AGBL1: variants seen among roughly 807,000 people sequenced by gnomAD.
AGBL1 encodes AGBL carboxypeptidase 1.
AGBL1 carries 130 observed loss-of-function variants against 118.9 expected under a neutral mutation model. That is an observed-to-expected ratio of 1.09 (90% CI 0.95 to 1.26). The LOEUF (loss-of-function observed/expected upper bound fraction) is 1.26, where lower values mean the gene tolerates loss of function less well. AGBL1 is among the 50% of genes most tolerant of loss of function. AGBL1 has a pLI of 0.00. For missense variants in AGBL1, 1,584 were observed against 1,298.1 expected, an observed-to-expected ratio of 1.22 and a Z score of -3.38; for synonymous variants, 555 against 478.9, an observed-to-expected ratio of 1.16 and a Z score of -2.08.
chr15:86,672,174 G>C (rs1318817453), intron 21 of AGBL1, among the ~76,000 whole-genome samples: 1 of 152,164 alleles, frequency 6.6e-6, no homozygotes, highest in African/African-American at 2.4e-5. Flanking sequence ...GGGCAAAATG[G>C]AATATAAGGG....
chr15:86,548,106 A>G (rs1273850097), intron 20 of AGBL1, among the ~76,000 whole-genome samples: 1 of 152,162 alleles, frequency 6.6e-6, no homozygotes, highest in Non-Finnish European at 1.5e-5. Flanking sequence ...CTCATTTTAC[A>G]GATGGGAAAA....
intron 22 of AGBL1, among the ~76,000 whole-genome samples, chr15:86,769,129 A>G (rs1315725683): frequency 6.7e-6 from 1 of 148,654 alleles, no homozygotes; most frequent in Non-Finnish European, 1.5e-5. Flanking sequence ...ACATTACAGG[A>G]GAGGAACCCA....
intron 18 of AGBL1, among the ~76,000 whole-genome samples, chr15:86,412,724 C>T (rs552442325): frequency 1.3e-5 from 2 of 152,280 alleles, no homozygotes; most frequent in African/African-American, 2.4e-5. Context: ...AGGGCAAATA[C>T]AAAATTTAGA....
At chr15:86,824,585 T>C in intron 22 of AGBL1, among the ~76,000 whole-genome samples, 1 of 152,096 alleles carries the variant, frequency 6.6e-6, no homozygotes, top group South Asian at 2.1e-4. Flanking sequence ...ACACAGCTTA[T>C]TCTAAAATTT....
intron 22 of AGBL1, among the ~76,000 whole-genome samples, chr15:86,822,374 C>T (rs1298379695): frequency 1.3e-5 from 2 of 152,100 alleles, no homozygotes; most frequent in African/African-American, 4.8e-5. Flanking sequence ...AGTATAGCAC[C>T]AGCATTTGCC....
At chr15:86,182,509 A>G (rs1389546260) in intron 5 of AGBL1, among the ~76,000 whole-genome samples, 1 of 152,124 alleles carries the variant, frequency 6.6e-6, no homozygotes, top group Admixed American at 6.5e-5. Context: ...GTCTAGTGTT[A>G]TAGACCCAAA....
chr15:86,259,822 G>A (rs773308485), intron 9 of AGBL1, among the ~76,000 whole-genome samples: 2 of 152,202 alleles, frequency 1.3e-5, no homozygotes, highest in Non-Finnish European at 2.9e-5. Context: ...ATAACTGAAT[G>A]TCTGATGCAG....
intron 17 of AGBL1, among the ~76,000 whole-genome samples, chr15:86,375,935 C>T (rs538645644): frequency 8.5e-5 from 13 of 152,286 alleles, no homozygotes; most frequent in Middle Eastern, 3.4e-3. Context: ...TCCTATTTGA[C>T]GCATTCACAT....
chr15:86,973,431 A>G (rs1269472377), intron 23 of AGBL1, among the ~76,000 whole-genome samples: 1 of 151,938 alleles, frequency 6.6e-6, no homozygotes, highest in African/African-American at 2.4e-5. Flanking sequence ...ATTTCAATTG[A>G]CTTCCTGTCA....
intron 22 of AGBL1, among the ~76,000 whole-genome samples, chr15:86,731,162 G>A (rs996875713): frequency 6.6e-6 from 1 of 152,088 alleles, no homozygotes; most frequent in African/African-American, 2.4e-5. Context: ...GTCAAAAAGA[G>A]AAAAGACATG....
chr15:86,535,092 G>C (rs766046210), intron 19 of AGBL1, among the ~76,000 whole-genome samples: 3 of 152,166 alleles, frequency 2.0e-5, no homozygotes, highest in Non-Finnish European at 4.4e-5. Flanking sequence ...AGGAGACAAA[G>C]GGGGCTCCCT....
chr15:86,836,932 T>C (rs1472405304), intron 22 of AGBL1, among the ~76,000 whole-genome samples: 1 of 152,186 alleles, frequency 6.6e-6, no homozygotes, highest in East Asian at 1.9e-4. Flanking sequence ...ATCTTGCTTA[T>C]ATATTTATCT....
chr15:86,668,492 G>A (rs959923681), intron 21 of AGBL1, among the ~76,000 whole-genome samples: 3 of 151,968 alleles, frequency 2.0e-5, no homozygotes, highest in Admixed American at 6.6e-5. Flanking sequence ...CCTATTTCTG[G>A]CAGTAAATCT....
chr15:86,908,005 C>A lies in AGBL1; in HGVS notation c.*711C>A, dbSNP rs186769387. 1.3e-5 allele frequency: 2 copies of A among 152,232 alleles called. No homozygotes were observed. The highest frequency in any genetic ancestry group is 2.9e-5 in the Non-Finnish European group (2 of 68,030). 9.4% of individuals were successfully genotyped at this position (152,232 alleles called of 1,614,324 possible). A position where few individuals can be genotyped will look rare whatever the true frequency, so the allele number is the denominator to read the frequency against. On this transcript the variant is annotated 3_prime_UTR_variant, in exon 23 of 23. Transcript: ENST00000614907. The stretch of plus-strand genomic sequence containing the variant: ...CACCAAACATAATGCTAGGAAGTAC[C>A]AGACCTACTGGAAAATTTATTCATT...
chr15:86,351,833 T>C (rs1296572524), intron 17 of AGBL1, among the ~76,000 whole-genome samples: 1 of 152,234 alleles, frequency 6.6e-6, no homozygotes, highest in African/African-American at 2.4e-5. Flanking sequence ...TCTGTATAAA[T>C]ATGACATTAG....
At chr15:86,823,736 C>T (rs1449996925) in intron 22 of AGBL1, among the ~76,000 whole-genome samples, 1 of 151,996 alleles carries the variant, frequency 6.6e-6, no homozygotes, top group African/African-American at 2.4e-5. Context: ...GGAGAAATCA[C>T]CTGAGAATCT....
chr15:86,845,676 A>G (rs2079307892), intron 22 of AGBL1, among the ~76,000 whole-genome samples: 1 of 152,222 alleles, frequency 6.6e-6, no homozygotes, highest in African/African-American at 2.4e-5. Flanking sequence ...CTTTTTTGAT[A>G]GAGCACCAGT....
At chr15:86,097,355 C>T (rs898392495) in intron 1 of AGBL1, among the ~76,000 whole-genome samples, 14 of 152,170 alleles carry the variant, frequency 9.2e-5, no homozygotes, top group African/African-American at 3.1e-4. Flanking sequence ...TTTAAATATA[C>T]AATACATTGT....
chr15:86,262,423 A>C (rs2079006533), intron 9 of AGBL1, among the ~76,000 whole-genome samples: 1 of 152,104 alleles, frequency 6.6e-6, no homozygotes, highest in Non-Finnish European at 1.5e-5. Flanking sequence ...TCAAAGATAG[A>C]TAAAGAGGGA....
Sources: gnomAD v4.1 joint callset for allele counts (sites outside exome capture counted in the v4.1 genomes callset) on GRCh38, gnomAD v4.1.1 for gene constraint, MANE v1.5 for transcripts, NCBI Gene and HGNC (gene_info 2026-07-23, HGNC 2026-07-21) for gene names.